The following SESN3 variants were observed in gnomAD, a reference collection of about 807,000 sequenced individuals.
SESN3 encodes the protein sestrin-3.
In SESN3, 21 loss-of-function variants were observed where a neutral mutation model predicts 55.3. The observed-to-expected ratio is 0.38, with a 90% CI of 0.27 to 0.55. The LOEUF is 0.55. Ranked by LOEUF, SESN3 falls within the 20% of genes least tolerant of loss-of-function variation. The probability of loss-of-function intolerance (pLI) is 0.76; values close to 1 mark genes in which losing one functional copy is unlikely to be tolerated. For synonymous variants in SESN3, 181 were observed against 203.1 expected (o/e 0.89, Z 0.93); for missense variants, 408 against 604.3 (o/e 0.68, Z 3.41).
chr11:95,176,854 A>T (rs1189233379), intron 8 of SESN3, among the ~76,000 whole-genome samples: 1 of 152,178 alleles, frequency 6.6e-6, no homozygotes, highest in Non-Finnish European at 1.5e-5. Flanking sequence ...CTTTGATAAC[A>T]TTGTCTAGCA....
At chr11:95,189,174 G>A (rs1477617668) in intron 4 of SESN3, among the ~76,000 whole-genome samples, 1 of 151,848 alleles carries the variant, frequency 6.6e-6, no homozygotes, top group African/African-American at 2.4e-5. Flanking sequence ...ATAGTGCTAA[G>A]CATATTGAAT....
At chr11:95,232,342 C>T (rs1472427708), upstream of SESN3, 1 of 152,294 alleles carries the variant, frequency 6.6e-6, no homozygotes, top group Non-Finnish European at 1.5e-5. Context: ...ATGCTAGACG[C>T]CCGCAACCTG....
chr11:95,216,110 G>GAAAAAAAAAAAAAAAAAAAAAAAAAA (rs71036381), intron 1 of SESN3, among the ~76,000 whole-genome samples: 1 of 122,210 alleles, frequency 8.2e-6, no homozygotes, highest in African/African-American at 3.1e-5. Context: ...AAAAAAAAAA[G>GAAAAAAAAAAAAAAAAAAAAAAAAAA]AAAAAAAAAA....
chr11:95,173,236 AT>A lies in SESN3; in HGVS notation c.*18del. The stretch of plus-strand genomic sequence containing the variant: ...TGAAAGGTCTTTACACATGTATGAC[AT>A]TTTCCTTGGGTGATACTTCAGGTCA... On this transcript the variant is annotated 3_prime_UTR_variant, in exon 10 of 10. Transcript: ENST00000536441. 2 of 1,501,928 alleles carry A rather than the reference AT, an allele frequency of 1.3e-6. No homozygotes were observed. The highest frequency in any genetic ancestry group is 1.8e-6 in the Non-Finnish European group (2 of 1,086,156). 93.0% of individuals were successfully genotyped at this position (1,501,928 alleles called of 1,614,324 possible). A position where few individuals can be genotyped will look rare whatever the true frequency, so the allele number is the denominator to read the frequency against.
At position 95,175,715 on chromosome 11, in the gene SESN3, A is replaced by G. The variant is rs1859943323; in HGVS notation, c.1248-73T>C. 5 of 1,236,892 alleles carry G rather than the reference A, an allele frequency of 4.0e-6. No individual in the cohort carries two copies. The African/African-American group carries it at 6.0e-5, about 15-fold the overall frequency. The allele number at this position is 1,236,892 out of a possible 1,614,324, so 76.6% of individuals were successfully genotyped here. A position where few individuals can be genotyped will look rare whatever the true frequency, so the allele number is the denominator to read the frequency against. On this transcript the variant is annotated intron_variant, in intron 8 of 9. Coordinates refer to ENST00000536441, the MANE Select transcript of SESN3 (RefSeq NM_144665.4). ...TAGTTTCCAAAGTTATACTAAGGACATTTATTGTCTAGTAATTAAATACTA... is the reference window on the plus strand; with the variant it reads ...TAGTTTCCAAAGTTATACTAAGGACGTTTATTGTCTAGTAATTAAATACTA...
chr11:95,204,996 G>A (rs1055956526), intron 1 of SESN3: 3 of 152,196 alleles, frequency 2.0e-5, no homozygotes, highest in Non-Finnish European at 4.4e-5. Context: ...CACTCTGCCT[G>A]CAAGAGTATG....
intron 1 of SESN3, among the ~76,000 whole-genome samples, chr11:95,227,971 G>C (rs1049334133): frequency 1.3e-5 from 2 of 152,172 alleles, no homozygotes; most frequent in East Asian, 3.8e-4. Flanking sequence ...TTAGACTTAA[G>C]AGTTAGGGAT....
chr11:95,193,317 T>C (rs1246140245), intron 2 of SESN3, 140 bp downstream of exon 2: 3 of 609,236 alleles, frequency 4.9e-6, no homozygotes, highest in Admixed American at 5.9e-5. Flanking sequence ...AAAGAAAATA[T>C]CTCCATGGTT....
In SESN3 at chr11:95,230,704, C is replaced by T; in HGVS notation, c.78+79G>A. On this transcript the variant is annotated intron_variant, in intron 1 of 9. Coordinates refer to ENST00000536441, the MANE Select transcript of SESN3 (RefSeq NM_144665.4). The surrounding 1 kb of genome is among the most constrained non-coding windows in gnomAD (Gnocchi z 4.6). ...GGATCCCTCTCAGCCTCCCCCAGTGCGCGCCCGGGGACGAGCCGCCCGAGC... is the reference window on the plus strand; with the variant it reads ...GGATCCCTCTCAGCCTCCCCCAGTGTGCGCCCGGGGACGAGCCGCCCGAGC... The T allele has an allele frequency of 2.8e-6, 3 of 1,065,334 alleles. No individual in the cohort carries two copies. The highest frequency in any genetic ancestry group is 2.6e-5 in the East Asian group (1 of 38,664). 66.0% of individuals were successfully genotyped at this position (1,065,334 alleles called of 1,614,324 possible).
chr11:95,212,780 G>C (rs545027732), intron 1 of SESN3, among the ~76,000 whole-genome samples: 4 of 152,050 alleles, frequency 2.6e-5, no homozygotes, highest in Non-Finnish European at 4.4e-5. Flanking sequence ...ACGCATCTGA[G>C]CCCTCATTAG....
In SESN3 at chr11:95,170,737, C is replaced by T. The variant is rs930639666; in HGVS notation, c.*2518G>A. ...TGCTGCGTATTAGTAGGTGCTTTAG[C>T]ACCTGCAGAAGTCAATTTTTCTAGG... On this transcript the variant is annotated 3_prime_UTR_variant, in exon 10 of 10. Coordinates refer to ENST00000536441, the MANE Select transcript of SESN3 (RefSeq NM_144665.4). The T allele has an allele frequency of 1.3e-5, 2 of 152,164 alleles. No homozygotes were observed. The highest frequency in any genetic ancestry group is 3.2e-3 in the Middle Eastern group (1 of 316). 9.4% of individuals were successfully genotyped at this position (152,164 alleles called of 1,614,324 possible). A position where few individuals can be genotyped will look rare whatever the true frequency, so the allele number is the denominator to read the frequency against.
At chr11:95,221,707 G>A (rs2134267718) in intron 1 of SESN3, among the ~76,000 whole-genome samples, 1 of 152,188 alleles carries the variant, frequency 6.6e-6, no homozygotes, top group African/African-American at 2.4e-5. Context: ...TAAAACATAA[G>A]GTTAAATGCC....
intron 5 of SESN3, among the ~76,000 whole-genome samples, chr11:95,184,852 G>A (rs972242690): frequency 5.3e-5 from 8 of 151,676 alleles, no homozygotes; most frequent in African/African-American, 1.9e-4. Context: ...CTAGCATTTG[G>A]TATATATTAA....
Position 95,230,693 on chromosome 11 carries a change from C to T in SESN3, c.78+90G>A. On this transcript the variant is annotated intron_variant, in intron 1 of 9. Coordinates refer to ENST00000536441, the MANE Select transcript of SESN3 (RefSeq NM_144665.4). The surrounding 1 kb of genome is among the most constrained non-coding windows in gnomAD (Gnocchi z 4.6). ...ACGGTGCCCGGGGATCCCTCTCAGC[C>T]TCCCCCAGTGCGCGCCCGGGGACGA... The T allele has an allele frequency of 1.1e-6, 1 of 915,058 alleles. No homozygotes were observed. The highest frequency in any genetic ancestry group is 1.4e-5 in the South Asian group (1 of 70,416). 56.7% of individuals were successfully genotyped at this position (915,058 alleles called of 1,614,324 possible). A position where few individuals can be genotyped will look rare whatever the true frequency, so the allele number is the denominator to read the frequency against.
chr11:95,227,759 G>A (rs1299474024), intron 1 of SESN3, among the ~76,000 whole-genome samples: 4 of 152,160 alleles, frequency 2.6e-5, no homozygotes, highest in African/African-American at 9.7e-5. Flanking sequence ...TGGAAGATGA[G>A]TGGACTGATA....
intron 1 of SESN3, among the ~76,000 whole-genome samples, chr11:95,206,296 T>C (rs1237634940): frequency 6.6e-6 from 1 of 151,932 alleles, no homozygotes; most frequent in African/African-American, 2.4e-5. Flanking sequence ...AATGATATTA[T>C]GAACTATTTT....
Position 95,165,911 on chromosome 11 carries a change from T to C in SESN3, c.*7344A>G, listed in dbSNP as rs1224166600. 2.0e-5 allele frequency: 3 copies of C among 152,170 alleles called. No homozygotes were observed. Among genetic ancestry groups the C allele is most frequent in the African/African-American group, 7.2e-5 (3 of 41,444 alleles). The allele number at this position is 152,170 out of a possible 1,614,324, so 9.4% of individuals were successfully genotyped here. ...CAAACATAAGAAAAACAAAACCTAG[T>C]AATACATACAAAAGCTTTCATGGGT... On this transcript the variant is annotated 3_prime_UTR_variant, in exon 10 of 10. Transcript: ENST00000536441.
chr11:95,184,131 T>C, intron 6 of SESN3: 1 of 399,236 alleles, frequency 2.5e-6, no homozygotes, highest in Non-Finnish European at 4.4e-6. Context: ...TAGGATAAAT[T>C]AAATATGTCT....
chr11:95,182,374 A>T (rs1451210985), intron 6 of SESN3, among the ~76,000 whole-genome samples: 1 of 152,178 alleles, frequency 6.6e-6, no homozygotes, highest in African/African-American at 2.4e-5. Context: ...TGAATTTTAT[A>T]ATCAACTTTT....
Sources: gnomAD v4.1 joint callset for allele counts (sites outside exome capture counted in the v4.1 genomes callset) on GRCh38, gnomAD v4.1.1 for gene constraint, Gnocchi (gnomAD v3.1) non-coding constraint, MANE v1.5 for transcripts, NCBI Gene and HGNC (gene_info 2026-07-23, HGNC 2026-07-21) for gene names.